The following AGAP1 variants were observed in gnomAD, a reference collection of about 807,000 sequenced individuals.
AGAP1 encodes the protein arf-GAP with GTPase, ANK repeat and PH domain-containing protein 1.
In AGAP1, 29 loss-of-function variants were observed where a neutral mutation model predicts 105.3. The ratio of observed to expected loss-of-function variants is 0.28; its 90% CI spans 0.21 to 0.38. The LOEUF (loss-of-function observed/expected upper bound fraction) is 0.38, where lower values mean the gene tolerates loss of function less well. AGAP1 is among the 10% of genes least tolerant of loss of function. AGAP1 has a pLI of 1.00. For missense variants in AGAP1, 998 were observed against 1,165.1 expected (o/e 0.86, Z 2.09); for synonymous variants, 509 against 485.9 (o/e 1.05, Z -0.63).
intron 16 of AGAP1, among the ~76,000 whole-genome samples, chr2:236,086,682 T>G (rs115382642): frequency 0.02 from 3,101 of 152,292 alleles, 51 homozygotes; most frequent in Middle Eastern, 0.037. Flanking sequence ...CTGGGCGTCT[T>G]TAGCCATTTT....
chr2:235,750,284 G>A lies in AGAP1; in HGVS notation c.539-70G>A, dbSNP rs1953321804. On this transcript the variant is annotated intron_variant, in intron 5 of 17. Transcript: ENST00000304032. This position sits in a 1 kb window ranked among gnomAD's most constrained non-coding sequence, Gnocchi z 5.3. ...GAGTAAGGTACTGGTTTTCCGTGTT[G>A]TGGGGAGTGTAGGAAGTATTTAGAG... The A allele has an allele frequency of 6.3e-7, 1 of 1,596,564 alleles. No individual in the cohort carries two copies. Among genetic ancestry groups the A allele is most frequent in the Non-Finnish European group, 8.6e-7 (1 of 1,165,684 alleles).
chr2:235,896,862 G>A (rs762483184), intron 10 of AGAP1, among the ~76,000 whole-genome samples: 1 of 152,140 alleles, frequency 6.6e-6, no homozygotes, highest in Non-Finnish European at 1.5e-5. Flanking sequence ...ACACAGAAAA[G>A]GACTCTGTAT....
In AGAP1 at chr2:236,000,863, G is replaced by A. The variant is rs2056089517; in HGVS notation, c.1645+32240G>A. ...GGTCTTCCAGGCACAGAGAGTGGCTGATGAGAAAGGGCCTGTGTGGAAGGA... is the reference window on the plus strand; with the variant it reads ...GGTCTTCCAGGCACAGAGAGTGGCTAATGAGAAAGGGCCTGTGTGGAAGGA... On this transcript the variant is annotated intron_variant, in intron 13 of 17. Transcript: ENST00000304032. The surrounding 1 kb of genome is among the most constrained non-coding windows in gnomAD (Gnocchi z 4.3). Among the ~76,000 whole-genome samples, 1 of 152,190 alleles carries A rather than the reference G, an allele frequency of 6.6e-6. No homozygotes were observed. Among genetic ancestry groups the A allele is most frequent in the Admixed American group, 6.5e-5 (1 of 15,286 alleles).
Position 235,951,375 on chromosome 2 carries a change from G to A in AGAP1, c.1484-17087G>A, listed in dbSNP as rs988649024. Among the ~76,000 whole-genome samples, 2 of 152,194 alleles carry A rather than the reference G, an allele frequency of 1.3e-5. No homozygotes were observed. The highest frequency in any genetic ancestry group is 4.8e-5 in the African/African-American group (2 of 41,450). On this transcript the variant is annotated intron_variant, in intron 12 of 17. Transcript: ENST00000304032. This position sits in a 1 kb window ranked among gnomAD's most constrained non-coding sequence, Gnocchi z 4.2. ...GTTACCAGCCCCAGGTACGATTATG[G>A]ACAATGCTGTCAGTCATCGTGAGAC...
chr2:235,880,706 C>T (rs1437660999), intron 9 of AGAP1, among the ~76,000 whole-genome samples: 1 of 151,014 alleles, frequency 6.6e-6, no homozygotes, highest in African/African-American at 2.4e-5. Flanking sequence ...CGCCACTGCA[C>T]TGCAGCCTGG....
intron 2 of AGAP1, 121 bp from the exon 3 acceptor site, chr2:235,717,436 T>G: frequency 1.4e-6 from 1 of 729,026 alleles, no homozygotes; most frequent in Non-Finnish European, 2.2e-6. Flanking sequence ...TTTTTGGCCA[T>G]CCAGCCAGTG....
At chr2:235,580,379 C>T (rs573616810) in intron 1 of AGAP1, among the ~76,000 whole-genome samples, 1 of 145,158 alleles carries the variant, frequency 6.9e-6, no homozygotes, top group African/African-American at 2.5e-5. Context: ...TACATTTTGT[C>T]GGGTTGATTT....
rs939840484 is a variant in AGAP1, at chr2:236,131,528, TTA to T, written c.*7408_*7409del. 6.6e-6 allele frequency: 1 copy of T among 152,164 alleles called. No homozygotes were observed. Among genetic ancestry groups the T allele is most frequent in the Non-Finnish European group, 1.5e-5 (1 of 68,016 alleles). The allele number at this position is 152,164 out of a possible 1,614,324, so 9.4% of individuals were successfully genotyped here. On this transcript the variant is annotated 3_prime_UTR_variant, in exon 18 of 18. Transcript: ENST00000304032. This position sits in a 1 kb window ranked among gnomAD's most constrained non-coding sequence, Gnocchi z 5.9. ...TTTTCTATTACCTCATTCAGCAACT[TTA>T]TGTTTCACAATGACTCAATGATGCT...
In AGAP1 at chr2:235,965,597, G is replaced by C. The variant is rs1332230797; in HGVS notation, c.1484-2865G>C. Among the ~76,000 whole-genome samples the C allele has an allele frequency of 6.6e-6, 1 of 152,116 alleles. No individual in the cohort carries two copies. Among genetic ancestry groups the C allele is most frequent in the African/African-American group, 2.4e-5 (1 of 41,406 alleles). On this transcript the variant is annotated intron_variant, in intron 12 of 17. Transcript: ENST00000304032. This position sits in a 1 kb window ranked among gnomAD's most constrained non-coding sequence, Gnocchi z 5.8. ...TTACTTAACCTTCCCCTGTGCCTTGGTTTTCTAATCTGTAAAGTGGAGGTG... is the reference window on the plus strand; with the variant it reads ...TTACTTAACCTTCCCCTGTGCCTTGCTTTTCTAATCTGTAAAGTGGAGGTG...
intron 16 of AGAP1, chr2:236,072,298 G>C (rs947099050): frequency 7.2e-5 from 11 of 152,082 alleles, no homozygotes; most frequent in Admixed American, 2.6e-4. Flanking sequence ...AAAATTAGCT[G>C]GGCGCGGTGG....
chr2:235,528,754 G>A (rs1479141843), intron 1 of AGAP1, among the ~76,000 whole-genome samples: 1 of 152,118 alleles, frequency 6.6e-6, no homozygotes, highest in African/African-American at 2.4e-5. Context: ...TTGGCTCACT[G>A]AAACCTCCGC....
chr2:235,576,490 T>C (rs958064657), intron 1 of AGAP1, among the ~76,000 whole-genome samples: 4 of 152,228 alleles, frequency 2.6e-5, no homozygotes, highest in African/African-American at 9.6e-5. Context: ...ATATCTCCTC[T>C]CCGTGTGCTG....
intron 1 of AGAP1, among the ~76,000 whole-genome samples, chr2:235,683,516 TATAG>T (rs1462206308): frequency 6.6e-6 from 1 of 150,474 alleles, no homozygotes; most frequent in African/African-American, 2.4e-5. Flanking sequence ...AAATAAAACT[TATAG>T]ATTATAAAAT....
intron 14 of AGAP1, among the ~76,000 whole-genome samples, chr2:236,037,907 C>T (rs2057430765): frequency 6.6e-6 from 1 of 152,098 alleles, no homozygotes; most frequent in Non-Finnish European, 1.5e-5. Context: ...TGTTACCCAC[C>T]GACCTGCAGT....
chr2:235,549,729 C>T lies in AGAP1; in HGVS notation c.163+54880C>T, dbSNP rs942403016. On this transcript the variant is annotated intron_variant, in intron 1 of 17. Coordinates refer to ENST00000304032, the MANE Select transcript of AGAP1 (RefSeq NM_001037131.3). The surrounding 1 kb of genome is among the most constrained non-coding windows in gnomAD (Gnocchi z 4.2). ...GAGCATTCACATGCATTTAAGAGTG[C>T]TCTTAGCAGTTCGCGTTCTATATAG... Among the ~76,000 whole-genome samples the T allele has an allele frequency of 6.6e-6, 1 of 152,206 alleles. No individual in the cohort carries two copies. The highest frequency in any genetic ancestry group is 2.4e-5 in the African/African-American group (1 of 41,438).
intron 12 of AGAP1, among the ~76,000 whole-genome samples, chr2:235,956,512 G>GAA (rs1009266933): frequency 6.2e-5 from 9 of 146,266 alleles, no homozygotes; most frequent in African/African-American, 2.2e-4. Context: ...CCTCTGGCAT[G>GAA]AAAAAAAAAA....
intron 13 of AGAP1, among the ~76,000 whole-genome samples, chr2:236,006,322 A>G (rs535775268): frequency 6.6e-6 from 1 of 152,244 alleles, no homozygotes; most frequent in African/African-American, 2.4e-5. Flanking sequence ...GCTGTTTCCC[A>G]AAGAGCTCTG....
intron 9 of AGAP1, among the ~76,000 whole-genome samples, chr2:235,810,382 C>G (rs911479369): frequency 6.6e-6 from 1 of 152,196 alleles, no homozygotes; most frequent in Non-Finnish European, 1.5e-5. Flanking sequence ...CACACACCAG[C>G]TAATGGACCT....
At position 235,620,293 on chromosome 2, in the gene AGAP1, C is replaced by T. The variant is rs1946435577; in HGVS notation, c.164-88886C>T. ...CAGCGTTGCTTGGCGGATTACTGCT[C>T]ACCTCTTCAAGCCGATGCTGCTACT... On this transcript the variant is annotated intron_variant, in intron 1 of 17. Coordinates refer to ENST00000304032, the MANE Select transcript of AGAP1 (RefSeq NM_001037131.3). The surrounding 1 kb of genome is among the most constrained non-coding windows in gnomAD (Gnocchi z 4.5). Among the ~76,000 whole-genome samples, 1 of 152,152 alleles carries T rather than the reference C, an allele frequency of 6.6e-6. No individual in the cohort carries two copies. The highest frequency in any genetic ancestry group is 2.4e-5 in the African/African-American group (1 of 41,424).
Sources: allele counts gnomAD v4.1 joint callset (sites outside exome capture counted in the v4.1 genomes callset), GRCh38; gene constraint gnomAD v4.1.1; non-coding constraint Gnocchi (gnomAD v3.1); transcripts MANE v1.5; gene names NCBI Gene and HGNC (gene_info 2026-07-23, HGNC 2026-07-21).